WDTC1: variants seen among roughly 807,000 people sequenced by gnomAD.
The protein encoded by WDTC1 is WD and tetratricopeptide repeats 1.
Under a neutral mutation model 76.0 loss-of-function variants are expected in WDTC1, and 12 were observed. That is an observed-to-expected ratio of 0.16 (90% CI 0.10 to 0.26). The LOEUF (loss-of-function observed/expected upper bound fraction) is 0.26, where lower values mean the gene tolerates loss of function less well. Among genes scored for constraint, WDTC1 ranks in the 10% least tolerant of loss-of-function variants. The pLI is 1.00. For synonymous variants in WDTC1, 326 were observed against 350.8 expected (o/e 0.93, Z 0.79); for missense variants, 511 against 908.8 (o/e 0.56, Z 5.63).
chr1:27,304,996 G>A lies in WDTC1; in HGVS notation c.1644-5G>A, dbSNP rs372694073. 444 of 1,607,834 alleles carry A rather than the reference G, an allele frequency of 2.8e-4. No individual in the cohort carries two copies. The highest frequency in any genetic ancestry group is 3.6e-4 in the Non-Finnish European group (429 of 1,175,614). On this transcript the variant is annotated splice_polypyrimidine_tract_variant and splice_region_variant and intron_variant, in intron 14 of 15. Coordinates refer to ENST00000319394, the MANE Select transcript of WDTC1 (RefSeq NM_001276252.2). ...TGACCTCCCTGCCCTTTGCCCCCCC[G>A]CCAGCAACGCTCAGTATATCGTCAG...
At chr1:27,254,863 G>T (rs1407678752) in intron 1 of WDTC1, among the ~76,000 whole-genome samples, 1 of 151,950 alleles carries the variant, frequency 6.6e-6, no homozygotes, top group Non-Finnish European at 1.5e-5. Context: ...CTGACCTCAG[G>T]TGATCTGCAT....
chr1:27,282,333 G>C (rs1438602027), intron 4 of WDTC1, 48 bp downstream of exon 4: 3 of 1,597,558 alleles, frequency 1.9e-6, no homozygotes, highest in Non-Finnish European at 2.6e-6. Flanking sequence ...AGGAAGTAAG[G>C]AGGGTGGAAC....
chr1:27,235,239 C>T (rs1036724614), intron 1 of WDTC1, among the ~76,000 whole-genome samples: 12 of 152,158 alleles, frequency 7.9e-5, no homozygotes, highest in Admixed American at 1.3e-4. Context: ...GAAGTCATTC[C>T]ATCATGGGAC....
At chr1:27,296,785 A>ACCCTAGCCCCAGCCCCAGCCCTAG (rs2013700976) in intron 10 of WDTC1, among the ~76,000 whole-genome samples, 3 of 88,632 alleles carry the variant, frequency 3.4e-5, no homozygotes, top group African/African-American at 9.2e-5. Flanking sequence ...CCCAGCCCCA[A>ACCCTAGCCCCAGCCCCAGCCCTAG]CCCTAGCCCC....
chr1:27,277,944 G>A (rs934613262), intron 3 of WDTC1, among the ~76,000 whole-genome samples: 4 of 152,090 alleles, frequency 2.6e-5, no homozygotes, highest in East Asian at 1.9e-4. Flanking sequence ...GGTTTCAAGC[G>A]ATTCTCCTGC....
intron 14 of WDTC1, chr1:27,304,055 C>A (rs2013895727): frequency 4.8e-6 from 2 of 415,282 alleles, no homozygotes; most frequent in African/African-American, 2.1e-5. Flanking sequence ...CTGAACTACT[C>A]CTTCATCCCC....
intron 5 of WDTC1, 50 bp from the exon 6 acceptor site, chr1:27,287,624 G>A (rs2013378279): frequency 6.4e-7 from 1 of 1,565,046 alleles, no homozygotes. Flanking sequence ...CTCCTTCCGT[G>A]GCCATTTCTA....
At chr1:27,300,701 CA>C (rs567542083) in intron 12 of WDTC1, among the ~76,000 whole-genome samples, 88 of 152,282 alleles carry the variant, frequency 5.8e-4, no homozygotes, top group Middle Eastern at 6.8e-3. Context: ...TCAGCCAGGA[CA>C]GGGGGGGGTC....
At chr1:27,273,552 G>T (rs181066641) in intron 3 of WDTC1, among the ~76,000 whole-genome samples, 6 of 152,168 alleles carry the variant, frequency 3.9e-5, no homozygotes, top group Admixed American at 3.9e-4. Flanking sequence ...TAAACCAAAT[G>T]CAGTGTGTGA....
intron 1 of WDTC1, among the ~76,000 whole-genome samples, chr1:27,251,458 C>T (rs934010106): frequency 2.6e-5 from 4 of 152,016 alleles, no homozygotes; most frequent in African/African-American, 9.7e-5. Flanking sequence ...TCCCAGAAAT[C>T]AGCTGCTTTC....
chr1:27,236,656 C>T (rs2011496211), intron 1 of WDTC1, among the ~76,000 whole-genome samples: 1 of 152,086 alleles, frequency 6.6e-6, no homozygotes, highest in Admixed American at 6.6e-5. Flanking sequence ...TCAGTATTGA[C>T]TCATTGGGCA....
At chr1:27,273,004 T>C (rs899882641) in intron 3 of WDTC1, among the ~76,000 whole-genome samples, 1 of 152,116 alleles carries the variant, frequency 6.6e-6, no homozygotes, top group African/African-American at 2.4e-5. Flanking sequence ...AATACCATAG[T>C]AATTATGGGT....
rs1347664561 is a variant in WDTC1, at chr1:27,234,915, G to T, written c.-136G>T. On this transcript the variant is annotated 5_prime_UTR_variant, in exon 1 of 16. Transcript: ENST00000319394. Reference sequence around the variant, plus strand: ...CCCCGGACGGACATGGGCTCCTGAAGTTGCGCCGCTGCCGGTCGGGGGAAG... The same window carrying T: ...CCCCGGACGGACATGGGCTCCTGAATTTGCGCCGCTGCCGGTCGGGGGAAG... 2 of 395,208 alleles carry T rather than the reference G, an allele frequency of 5.1e-6. No individual in the cohort carries two copies. The highest frequency in any genetic ancestry group is 8.9e-6 in the Non-Finnish European group (2 of 223,896). The allele number at this position is 395,208 out of a possible 1,614,324, so 24.5% of individuals were successfully genotyped here.
At chr1:27,296,841 CG>C (rs2013705786) in intron 10 of WDTC1, among the ~76,000 whole-genome samples, 1 of 151,756 alleles carries the variant, frequency 6.6e-6, no homozygotes. Flanking sequence ...AGTAATGCCA[CG>C]GTGAAGTTGT....
At chr1:27,283,297 G>A (rs2013241912) in intron 4 of WDTC1, 41 bp from the exon 5 acceptor site, 1 of 1,581,914 alleles carries the variant, frequency 6.3e-7, no homozygotes, top group Non-Finnish European at 8.7e-7. Context: ...AGGGAGCCTA[G>A]GAATTTGAGG....
intron 2 of WDTC1, among the ~76,000 whole-genome samples, chr1:27,262,921 G>A (rs576527733): frequency 2.7e-5 from 4 of 149,066 alleles, no homozygotes; most frequent in African/African-American, 7.4e-5. Context: ...AAAATTTTTT[G>A]CTTTCTTTAA....
At chr1:27,263,920 G>A (rs1420428689) in intron 3 of WDTC1, among the ~76,000 whole-genome samples, 3 of 151,104 alleles carry the variant, frequency 2.0e-5, no homozygotes, top group East Asian at 1.9e-4. Context: ...TAATGTATAC[G>A]TGCACACACA....
At chr1:27,254,657 G>C (rs532111822) in intron 1 of WDTC1, among the ~76,000 whole-genome samples, 1 of 152,124 alleles carries the variant, frequency 6.6e-6, no homozygotes, top group African/African-American at 2.4e-5. Flanking sequence ...TTTTGAGACG[G>C]AGTTTCGCTC....
At chr1:27,236,687 C>G (rs1164767806) in intron 1 of WDTC1, among the ~76,000 whole-genome samples, 1 of 152,064 alleles carries the variant, frequency 6.6e-6, no homozygotes, top group Non-Finnish European at 1.5e-5. Flanking sequence ...GGTGTTTTTG[C>G]ACACCTAGAC....
Sources: gnomAD v4.1 joint callset for allele counts (sites outside exome capture counted in the v4.1 genomes callset) on GRCh38, gnomAD v4.1.1 for gene constraint, MANE v1.5 for transcripts, NCBI Gene and HGNC (gene_info 2026-07-23, HGNC 2026-07-21) for gene names.